Variants in MCPH1 observed in about 807,000 individuals in gnomAD.
The protein encoded by MCPH1 is microcephalin.
In MCPH1, 104 loss-of-function variants were observed where a neutral mutation model predicts 84.5. That is an observed-to-expected ratio of 1.23 (90% CI 1.05 to 1.45). MCPH1 has a LOEUF of 1.45. Among genes scored for constraint, MCPH1 ranks in the 40% most tolerant of loss-of-function variants. MCPH1 has a pLI of 0.00. For synonymous variants in MCPH1, 514 were observed against 366.8 expected, an observed-to-expected ratio of 1.40 and a Z score of -4.58; for missense variants, 1,498 against 1,005.7, an observed-to-expected ratio of 1.49 and a Z score of -6.62.
rs189799482 is a variant in MCPH1, at chr8:6,493,405, G to C, written c.2137-6447G>C. 3.5e-4 allele frequency among the ~76,000 whole-genome samples: 54 copies of C among 152,286 alleles called. No homozygotes were observed. In the Middle Eastern group the frequency reaches 0.014, roughly 38 times the overall value. ...TCAAGCCTAGGTCAACATGCAGCTTGTTTTCCCTCTCACCACCTGGAATTC... is the reference window on the plus strand; with the variant it reads ...TCAAGCCTAGGTCAACATGCAGCTTCTTTTCCCTCTCACCACCTGGAATTC... On this transcript the variant is annotated intron_variant, in intron 11 of 13. Transcript: ENST00000344683.
intron 7 of MCPH1, among the ~76,000 whole-genome samples, chr8:6,443,624 CG>C (rs1803833165): frequency 6.6e-6 from 1 of 152,172 alleles, no homozygotes; most frequent in Admixed American, 6.5e-5. Context: ...AGCACAGTGA[CG>C]GGCAGATGCC....
intron 12 of MCPH1, among the ~76,000 whole-genome samples, chr8:6,523,123 G>A (rs747467309): frequency 1.4e-4 from 21 of 151,744 alleles, no homozygotes; most frequent in Non-Finnish European, 2.6e-4. Context: ...TCAGTCTCCC[G>A]AGTAGCTGGG....
At position 6,516,402 on chromosome 8, in the gene MCPH1, A is replaced by C. The variant is rs150471128; in HGVS notation, c.2214+16473A>C. Among the ~76,000 whole-genome samples the C allele has an allele frequency of 2.5e-3, 381 of 152,322 alleles. 10 individuals are homozygous for C. Among genetic ancestry groups the C allele is most frequent in the African/African-American group, 8.9e-3 (372 of 41,578 alleles). ...TGATCAGTTACTCACCTTCTAAGTG[A>C]TATATAGGATTTGAATAAGGTCTCT... is the stretch of plus-strand genomic sequence containing the variant. On this transcript the variant is annotated intron_variant, in intron 12 of 13. Transcript: ENST00000344683.
At chr8:6,512,906 T>C (rs1815464542) in intron 12 of MCPH1, among the ~76,000 whole-genome samples, 3 of 152,246 alleles carry the variant, frequency 2.0e-5, no homozygotes, top group Non-Finnish European at 4.4e-5. Context: ...CTCTGCCATC[T>C]CTAAACTTGA....
intron 11 of MCPH1, among the ~76,000 whole-genome samples, chr8:6,496,843 G>C (rs539416951): frequency 5.2e-4 from 79 of 152,202 alleles, no homozygotes; most frequent in African/African-American, 1.9e-3. Flanking sequence ...ATGTTTTCAA[G>C]CCCAACTTAA....
At position 6,429,780 on chromosome 8, in the gene MCPH1, A is replaced by G. The variant is rs567973652; in HGVS notation, c.234-1719A>G. Among the ~76,000 whole-genome samples the G allele has an allele frequency of 4.6e-5, 7 of 152,022 alleles. No individual in the cohort carries two copies. In the East Asian group the frequency reaches 1.2e-3, roughly 25 times the overall value. On this transcript the variant is annotated intron_variant, in intron 3 of 13. Transcript: ENST00000344683. The stretch of plus-strand genomic sequence containing the variant: ...CCCCAACTGCCTTTGCTGAATCTTT[A>G]GCGTCTCCTGCCACAGTTATTGCAG...
intron 12 of MCPH1, among the ~76,000 whole-genome samples, chr8:6,572,554 C>T (rs1826746297): frequency 6.6e-6 from 1 of 152,162 alleles, no homozygotes; most frequent in East Asian, 1.9e-4. Flanking sequence ...AATGCAAAAG[C>T]ACATCACACC....
At chr8:6,410,492 A>C (rs1254449477) in intron 2 of MCPH1, among the ~76,000 whole-genome samples, 2 of 152,202 alleles carry the variant, frequency 1.3e-5, no homozygotes, top group African/African-American at 2.4e-5. Flanking sequence ...TGCCTTATTC[A>C]AGGTTTCTTA....
rs138512434 is a variant in MCPH1 at position 6,521,186 on chromosome 8, G to A, written c.2214+21257G>A. On this transcript the variant is annotated intron_variant, in intron 12 of 13. Coordinates refer to ENST00000344683, the MANE Select transcript of MCPH1 (RefSeq NM_024596.5). ...ATGATATGTAAACTTACAGTTTGAT[G>A]TGGACATCATAGTCAGTAAGTTATT... 42 of 1,611,736 alleles carry A rather than the reference G, an allele frequency of 2.6e-5. No homozygotes were observed. The African/African-American group carries it at 4.9e-4, about 19-fold the overall frequency.
In MCPH1 at chr8:6,621,288, T is replaced by C. The variant is rs541540614; in HGVS notation, c.2215-166T>C. ...AAACGTCAGTTTTATGTCATTAATG[T>C]CATCATCTTCTCTGGATTCTCAGAA... On this transcript the variant is annotated intron_variant, in intron 12 of 13. Transcript: ENST00000344683. 364 of 847,666 alleles carry C rather than the reference T, an allele frequency of 4.3e-4. 2 individuals are homozygous for C. In the African/African-American group the frequency reaches 5.7e-3, roughly 13 times the overall value. 52.5% of individuals were successfully genotyped at this position (847,666 alleles called of 1,614,324 possible). A position where few individuals can be genotyped will look rare whatever the true frequency, so the allele number is the denominator to read the frequency against.
chr8:6,464,148 C>T (rs184110887), intron 9 of MCPH1, among the ~76,000 whole-genome samples: 99 of 152,296 alleles, frequency 6.5e-4, no homozygotes, highest in African/African-American at 9.1e-4. Flanking sequence ...GCCGACCAGC[C>T]GGCCAGTGAG....
chr8:6,594,752 A>G (rs1449254337), intron 12 of MCPH1, among the ~76,000 whole-genome samples: 3 of 149,562 alleles, frequency 2.0e-5, no homozygotes, highest in Non-Finnish European at 3.0e-5. Context: ...GTCACTTGCC[A>G]TCTCTCATTT....
Position 6,643,789 on chromosome 8 carries a change from G to A in MCPH1, c.*740G>A, listed in dbSNP as rs537456149. ...TCTCTTAAAGTAATGAAAGGAGATA[G>A]GTATGGGGGGTGTTATACAGGATAA... On this transcript the variant is annotated 3_prime_UTR_variant, in exon 14 of 14. Coordinates refer to ENST00000344683, the MANE Select transcript of MCPH1 (RefSeq NM_024596.5). The A allele has an allele frequency of 1.3e-5, 2 of 152,740 alleles. No homozygotes were observed. The highest frequency in any genetic ancestry group is 2.1e-4 in the South Asian group (1 of 4,840). 9.5% of individuals were successfully genotyped at this position (152,740 alleles called of 1,614,324 possible).
At chr8:6,434,003 A>G (rs2442517) in intron 4 of MCPH1, among the ~76,000 whole-genome samples, 65,140 of 151,868 alleles carry the variant, frequency 0.43, 15,306 homozygotes, top group East Asian at 0.76. Context: ...ATCCTTACAC[A>G]TGACCCGTTT....
At chr8:6,502,710 C>A (rs1586157808) in intron 12 of MCPH1, 1 of 204,010 alleles carries the variant, frequency 4.9e-6, no homozygotes, top group Non-Finnish European at 9.9e-6. Flanking sequence ...AAACAGTGCT[C>A]AGAAGAATGC....
chr8:6,521,426 A>G (rs1817312507), intron 12 of MCPH1: 1 of 1,565,386 alleles, frequency 6.4e-7, no homozygotes, highest in African/African-American at 1.4e-5. Context: ...AAGGAAAAGA[A>G]TTGTTAGTTA....
chr8:6,528,914 GC>G (rs1330282983), intron 12 of MCPH1, among the ~76,000 whole-genome samples: 1 of 152,150 alleles, frequency 6.6e-6, no homozygotes, highest in Non-Finnish European at 1.5e-5. Context: ...AAAGTCCTTG[GC>G]CAACGTAAGG....
chr8:6,439,105 T>A lies in MCPH1; in HGVS notation c.580+9T>A, dbSNP rs1438541417. 6.2e-7 allele frequency: 1 copy of A among 1,611,842 alleles called. No individual in the cohort carries two copies. The highest frequency in any genetic ancestry group is 2.2e-5 in the East Asian group (1 of 44,804). On this transcript the variant is annotated intron_variant, in intron 6 of 13. Coordinates refer to ENST00000344683, the MANE Select transcript of MCPH1 (RefSeq NM_024596.5). The stretch of plus-strand genomic sequence containing the variant: ...AAATCTTTCCCCCACCTGTAAGTAA[T>A]TAGTTTGTAAAATGAAAATTATGCA...
chr8:6,503,359 G>C, intron 12 of MCPH1: 1 of 1,286,990 alleles, frequency 7.8e-7, no homozygotes, highest in Non-Finnish European at 1.1e-6. Flanking sequence ...CACACTGCAG[G>C]CGTGTGGAGT....
Sources: allele counts gnomAD v4.1 joint callset (sites outside exome capture counted in the v4.1 genomes callset), GRCh38; gene constraint gnomAD v4.1.1; transcripts MANE v1.5; gene names NCBI Gene and HGNC (gene_info 2026-07-23, HGNC 2026-07-21).